CWC27: variants seen among roughly 807,000 people sequenced by gnomAD.
CWC27 encodes CWC27 spliceosome associated cyclophilin, also known as spliceosome-associated protein CWC27 homolog.
In CWC27, 47 loss-of-function variants were observed where a neutral mutation model predicts 63.6. That is an observed-to-expected ratio of 0.74 (90% CI 0.58 to 0.94). CWC27 has a LOEUF of 0.94. Ranked by LOEUF, CWC27 falls within the 40% of genes least tolerant of loss-of-function variation. The pLI, the probability that CWC27 is intolerant of heterozygous loss-of-function variation, is 0.00. For synonymous variants in CWC27, 175 were observed against 179.8 expected (o/e 0.97, Z 0.22); for missense variants, 495 against 554.3 (o/e 0.89, Z 1.07).
chr5:64,925,537 A>G (rs1748088151), intron 11 of CWC27, among the ~76,000 whole-genome samples: 1 of 152,160 alleles, frequency 6.6e-6, no homozygotes, highest in Non-Finnish European at 1.5e-5. Context: ...TTCTGAATCA[A>G]TTACTATAGC....
chr5:64,936,838 G>T (rs1005714840), intron 11 of CWC27, among the ~76,000 whole-genome samples: 5 of 152,264 alleles, frequency 3.3e-5, no homozygotes, highest in Non-Finnish European at 7.4e-5. Flanking sequence ...GAGGGTGTAT[G>T]TGTCCAGGAA....
chr5:65,018,257 C>G lies in CWC27; in HGVS notation c.1355C>G (p.Pro452Arg). ...TTTGAAATCTATGATCCTCGGAATC[C>G]AGTGAATAAAAGAAGGAGGGAAGAA... The part of the protein sequence containing the change: ...DTFEIYDPRN[P>R]VNKRRREESK... Residue 452 changes from proline to arginine, a missense_variant, in exon 14 of 14, where the codon CCA becomes CGA. Transcript: ENST00000381070. 2 of 1,605,624 alleles carry G rather than the reference C, an allele frequency of 1.2e-6. No individual in the cohort carries two copies. Among genetic ancestry groups the G allele is most frequent in the East Asian group, 4.5e-5 (2 of 44,088 alleles).
chr5:64,906,320 T>C (rs6863976), intron 11 of CWC27, among the ~76,000 whole-genome samples: 14,430 of 152,128 alleles, frequency 0.095, 2,090 homozygotes, highest in African/African-American at 0.31. Context: ...TCCACATCCT[T>C]TCCAATATCT....
chr5:64,808,217 T>C, intron 10 of CWC27: 1 of 1,009,086 alleles, frequency 9.9e-7, no homozygotes, highest in Non-Finnish European at 1.2e-6. Context: ...GTGATTTTTG[T>C]GTGCATTAGT....
intron 10 of CWC27, among the ~76,000 whole-genome samples, chr5:64,848,334 G>A (rs1746043061): frequency 6.6e-6 from 1 of 152,106 alleles, no homozygotes; most frequent in Non-Finnish European, 1.5e-5. Flanking sequence ...TAAGCAGATT[G>A]AATTAGTAAT....
chr5:65,007,714 G>T (rs781710479), intron 13 of CWC27, among the ~76,000 whole-genome samples: 2 of 147,006 alleles, frequency 1.4e-5, no homozygotes, highest in Admixed American at 7.0e-5. Context: ...TGCAAGCTTC[G>T]CCTCCCGGAT....
intron 11 of CWC27, among the ~76,000 whole-genome samples, chr5:64,904,687 G>C (rs1214391934): frequency 6.6e-6 from 1 of 152,172 alleles, no homozygotes; most frequent in East Asian, 1.9e-4. Flanking sequence ...TTCATCTTTT[G>C]AATCCCTTCA....
At chr5:64,840,378 AAAAAAAAAAAAAAAAAATATATATAT>A (rs1338881321) in intron 10 of CWC27, among the ~76,000 whole-genome samples, 5 of 67,182 alleles carry the variant, frequency 7.4e-5, no homozygotes, top group African/African-American at 3.2e-4. Context: ...AAAAAAAAAA[AAAAAAAAAAAAAAAAAATATATATAT>A]ATATATATAT....
chr5:64,876,719 T>C (rs1004416629), intron 10 of CWC27, among the ~76,000 whole-genome samples: 12 of 151,976 alleles, frequency 7.9e-5, no homozygotes, highest in Non-Finnish European at 1.0e-4. Flanking sequence ...ATATTTCTCG[T>C]GACATAAGAA....
chr5:64,891,587 A>G (rs1225586473), intron 11 of CWC27, among the ~76,000 whole-genome samples: 2 of 152,310 alleles, frequency 1.3e-5, no homozygotes, highest in East Asian at 3.9e-4. Flanking sequence ...TTTTTAGACA[A>G]TCTATCTCAA....
chr5:64,778,242 G>GTAC lies in CWC27; in HGVS notation c.139+3457_139+3458insCTA, dbSNP rs552748685. Among the ~76,000 whole-genome samples, 155 of 152,014 alleles carry GTAC rather than the reference G, an allele frequency of 1.0e-3. 2 individuals are homozygous for GTAC. In the South Asian group the frequency reaches 0.031, roughly 31 times the overall value. ...ATAGTTATGTAATGACCTCAGGATA[G>GTAC]TAGTTGCTTGCTTGCATTCTCTCAC... On this transcript the variant is annotated intron_variant, in intron 2 of 13. Transcript: ENST00000381070.
At chr5:64,835,280 GAATA>G (rs752538762) in intron 10 of CWC27, among the ~76,000 whole-genome samples, 11 of 151,698 alleles carry the variant, frequency 7.3e-5, no homozygotes, top group African/African-American at 1.2e-4. Flanking sequence ...AAAATTTACT[GAATA>G]AATAAATATT....
chr5:64,967,803 A>T (rs1220267394), intron 11 of CWC27, among the ~76,000 whole-genome samples: 1 of 152,022 alleles, frequency 6.6e-6, no homozygotes, highest in Admixed American at 6.5e-5. Flanking sequence ...AAAAGCTAAA[A>T]TTTTATATTA....
intron 13 of CWC27, among the ~76,000 whole-genome samples, chr5:64,988,705 G>A (rs1398387425): frequency 1.3e-5 from 2 of 151,380 alleles, no homozygotes; most frequent in African/African-American, 4.9e-5. Flanking sequence ...CCGGGTTCAA[G>A]AGACTCTCTT....
chr5:64,866,989 A>T (rs1746545741), intron 10 of CWC27, among the ~76,000 whole-genome samples: 1 of 152,092 alleles, frequency 6.6e-6, no homozygotes, highest in African/African-American at 2.4e-5. Flanking sequence ...CTACGTGAAT[A>T]TGTATAAACA....
intron 10 of CWC27, among the ~76,000 whole-genome samples, chr5:64,879,649 A>C (rs1483046962): frequency 1.3e-5 from 2 of 151,922 alleles, no homozygotes; most frequent in African/African-American, 4.8e-5. Flanking sequence ...TCTAACCAGA[A>C]GCCATTGAAA....
At chr5:64,828,182 T>A (rs193003099) in intron 10 of CWC27, among the ~76,000 whole-genome samples, 99 of 152,296 alleles carry the variant, frequency 6.5e-4, no homozygotes, top group African/African-American at 2.3e-3. Flanking sequence ...ACATTTTTAA[T>A]TTAAGAAAAA....
intron 11 of CWC27, among the ~76,000 whole-genome samples, chr5:64,888,530 AACAT>A (rs1747134857): frequency 8.0e-6 from 1 of 124,294 alleles, no homozygotes; most frequent in African/African-American, 3.2e-5. Flanking sequence ...TTATTATTAT[AACAT>A]ACATGTCAAC....
chr5:64,851,894 C>G (rs1746141573), intron 10 of CWC27, among the ~76,000 whole-genome samples: 1 of 152,088 alleles, frequency 6.6e-6, no homozygotes, highest in South Asian at 2.1e-4. Context: ...GAATTTATCT[C>G]ACTCGTTTTC....
Sources: allele counts gnomAD v4.1 joint callset (sites outside exome capture counted in the v4.1 genomes callset), GRCh38; gene constraint gnomAD v4.1.1; transcripts MANE v1.5; gene names NCBI Gene and HGNC (gene_info 2026-07-23, HGNC 2026-07-21).